UPK1B: variants seen among roughly 807,000 people sequenced by gnomAD.
UPK1B encodes the protein uroplakin 1B.
UPK1B carries 28 observed loss-of-function variants against 34.2 expected under a neutral mutation model. The observed-to-expected ratio is 0.82, with a 90% CI of 0.61 to 1.12. The LOEUF is 1.12. Among genes scored for constraint, UPK1B ranks in the 50% most tolerant of loss-of-function variants. UPK1B has a pLI of 0.00. For synonymous variants in UPK1B, 81 were observed against 110.4 expected, an observed-to-expected ratio of 0.73 and a Z score of 1.67; for missense variants, 325 against 320.9, an observed-to-expected ratio of 1.01 and a Z score of -0.10.
In UPK1B at chr3:119,191,076, C is replaced by T; in HGVS notation, c.440C>T (p.Thr147Ile). Residue 147 changes from threonine to isoleucine, a missense_variant, in exon 5 of 8, where the codon ACC (threonine) becomes ATC (isoleucine). Physicochemically the swap from Thr to Ile is moderately conservative, Grantham distance 89. Transcript: ENST00000264234. ...NDDQWKNNGV[T>I]KTWDRLMLQD... ...GACCAGTGGAAAAACAATGGAGTCA[C>T]CAAAACCTGGGACAGGCTCATGCTC... The T allele has an allele frequency of 1.2e-6, 2 of 1,614,010 alleles. No individual in the cohort carries two copies. The highest frequency in any genetic ancestry group is 1.7e-6 in the Non-Finnish European group (2 of 1,179,920).
chr3:119,175,435 T>G (rs976567893), intron 1 of UPK1B, among the ~76,000 whole-genome samples: 1 of 152,202 alleles, frequency 6.6e-6, no homozygotes. Context: ...CCATGCAGGC[T>G]GCCCACAAAC....
intron 6 of UPK1B, among the ~76,000 whole-genome samples, chr3:119,196,274 G>T (rs2078067063): frequency 6.6e-6 from 1 of 151,870 alleles, no homozygotes. Flanking sequence ...GTCTTGCTAA[G>T]TCCCCTCTTG....
At chr3:119,180,478 T>C (rs1208911534) in intron 1 of UPK1B, among the ~76,000 whole-genome samples, 1 of 152,084 alleles carries the variant, frequency 6.6e-6, no homozygotes, top group African/African-American at 2.4e-5. Context: ...CAGCGCAAGG[T>C]GTTCATTACA....
rs527345617 is a variant in UPK1B, at chr3:119,187,633, T to C, written c.70-142T>C. On this transcript the variant is annotated intron_variant, in intron 2 of 7. Transcript: ENST00000264234. ...AGTTAGTAGGATGGAAGTAGTTGTT[T>C]GATTTCCTGGCAATGGGGAGTTTAG... 4.8e-6 allele frequency: 4 copies of C among 825,422 alleles called. No homozygotes were observed. The Admixed American group carries it at 8.5e-5, about 18-fold the overall frequency. The allele number at this position is 825,422 out of a possible 1,614,324, so 51.1% of individuals were successfully genotyped here.
chr3:119,190,948 T>C, intron 4 of UPK1B, 34 bp from the exon 5 acceptor site: 2 of 1,609,856 alleles, frequency 1.2e-6, no homozygotes, highest in Non-Finnish European at 1.7e-6. Flanking sequence ...TAGCGTGCTA[T>C]CTCTCCCTCT....
intron 7 of UPK1B, 56 bp from the exon 8 acceptor site, chr3:119,203,861 T>A (rs895736566): frequency 1.3e-6 from 2 of 1,557,670 alleles, no homozygotes; most frequent in Non-Finnish European, 1.8e-6. Context: ...TTTCCAAGAA[T>A]GAGATGTTTC....
intron 1 of UPK1B, among the ~76,000 whole-genome samples, chr3:119,181,656 C>G (rs1054863565): frequency 1.3e-5 from 2 of 152,166 alleles, no homozygotes; most frequent in African/African-American, 2.4e-5. Context: ...AAGTTCTAGG[C>G]AAATTATTAA....
At chr3:119,186,637 C>A in intron 1 of UPK1B, 77 bp from the exon 2 acceptor site, 1 of 1,095,386 alleles carries the variant, frequency 9.1e-7, no homozygotes, top group Non-Finnish European at 1.4e-6. Flanking sequence ...GCTTTGGGAA[C>A]AAGGAGGCAA....
chr3:119,203,556 G>C (rs55651430), intron 7 of UPK1B, among the ~76,000 whole-genome samples: 2 of 151,700 alleles, frequency 1.3e-5, no homozygotes, highest in Non-Finnish European at 2.9e-5. Flanking sequence ...GGAACAGGAA[G>C]CCAGACACTG....
At chr3:119,201,105 G>T (rs895038177) in intron 7 of UPK1B, among the ~76,000 whole-genome samples, 2 of 151,988 alleles carry the variant, frequency 1.3e-5, no homozygotes, top group Non-Finnish European at 2.9e-5. Flanking sequence ...ACAAAGTTTA[G>T]TGACTCTGCC....
chr3:119,175,015 T>A (rs2077948365), intron 1 of UPK1B, among the ~76,000 whole-genome samples: 1 of 8,716 alleles, frequency 1.1e-4, no homozygotes, highest in Non-Finnish European at 2.5e-4. Context: ...TTATTTTCTT[T>A]TTTTTTTTTT....
intron 1 of UPK1B, among the ~76,000 whole-genome samples, chr3:119,178,891 G>A (rs1354973392): frequency 2.0e-5 from 3 of 152,178 alleles, no homozygotes; most frequent in Admixed American, 2.0e-4. Flanking sequence ...ATCTGATCCA[G>A]AAGTTAGGGG....
chr3:119,184,001 T>G (rs1158607082), intron 1 of UPK1B, among the ~76,000 whole-genome samples: 2 of 152,204 alleles, frequency 1.3e-5, no homozygotes, highest in African/African-American at 4.8e-5. Context: ...CACTGACATA[T>G]CACCACCTTC....
chr3:119,201,946 G>A (rs2107439212), intron 7 of UPK1B, among the ~76,000 whole-genome samples: 1 of 152,254 alleles, frequency 6.6e-6, no homozygotes, highest in East Asian at 1.9e-4. Context: ...AGGAACTGTG[G>A]GATAATGTTT....
intron 1 of UPK1B, among the ~76,000 whole-genome samples, chr3:119,186,131 G>C (rs1048285598): frequency 1.1e-4 from 17 of 152,168 alleles, no homozygotes; most frequent in Non-Finnish European, 2.2e-4. Context: ...CAAAGCACCT[G>C]GTAGAGTGGC....
Position 119,204,030 on chromosome 3 carries a change from C to T in UPK1B, c.*63C>T. On this transcript the variant is annotated 3_prime_UTR_variant, in exon 8 of 8. Coordinates refer to ENST00000264234, the MANE Select transcript of UPK1B (RefSeq NM_006952.4). ...ACTCTGGATTTGGTGCTGGAACCAGCTCTCTCCTAATATTCCACGTTTGTG... is the reference window on the plus strand; with the variant it reads ...ACTCTGGATTTGGTGCTGGAACCAGTTCTCTCCTAATATTCCACGTTTGTG... 6.4e-7 allele frequency: 1 copy of T among 1,570,538 alleles called. No homozygotes were observed. The highest frequency in any genetic ancestry group is 8.7e-7 in the Non-Finnish European group (1 of 1,144,032).
chr3:119,187,768 C>T lies in UPK1B; in HGVS notation c.70-7C>T. 6.2e-7 allele frequency: 1 copy of T among 1,610,780 alleles called. No homozygotes were observed. Among genetic ancestry groups the T allele is most frequent in the South Asian group, 1.1e-5 (1 of 91,008 alleles). On this transcript the variant is annotated splice_polypyrimidine_tract_variant and splice_region_variant and intron_variant, in intron 2 of 7. Coordinates refer to ENST00000264234, the MANE Select transcript of UPK1B (RefSeq NM_006952.4). ...CCTGATGGAGCCCACCTTTCATTTGCCCCCAGTGTTGCGGCATTGCCCTGA... is the reference window on the plus strand; with the variant it reads ...CCTGATGGAGCCCACCTTTCATTTGTCCCCAGTGTTGCGGCATTGCCCTGA...
intron 3 of UPK1B, among the ~76,000 whole-genome samples, chr3:119,188,532 A>G (rs1202398183): frequency 6.6e-6 from 1 of 152,246 alleles, no homozygotes; most frequent in South Asian, 2.1e-4. Flanking sequence ...GGGACCCCAG[A>G]AAACCTTGAT....
At chr3:119,199,255 T>A in intron 7 of UPK1B, 115 bp downstream of exon 7, 1 of 1,193,652 alleles carries the variant, frequency 8.4e-7, no homozygotes, top group Non-Finnish European at 1.2e-6. Flanking sequence ...ACCTCAGGCC[T>A]GAAGGCTAGT....
Sources: gnomAD v4.1 joint callset for allele counts (sites outside exome capture counted in the v4.1 genomes callset) on GRCh38, gnomAD v4.1.1 for gene constraint, MANE v1.5 for transcripts, NCBI Gene and HGNC (gene_info 2026-07-23, HGNC 2026-07-21) for gene names.